IQGAP2: variants seen among roughly 807,000 people sequenced by gnomAD.
IQGAP2 encodes ras GTPase-activating-like protein IQGAP2.
A neutral mutation model predicts 201.3 loss-of-function variants in IQGAP2; 173 were observed. The observed-to-expected ratio is 0.86, with a 90% CI of 0.76 to 0.98. The LOEUF is 0.98. Among genes scored for constraint, IQGAP2 ranks in the 50% least tolerant of loss-of-function variants. The pLI is 0.00. For synonymous variants in IQGAP2, 675 were observed against 673.9 expected (o/e 1.00, Z -0.03); for missense variants, 1,687 against 1,864.8 (o/e 0.90, Z 1.76).
chr5:76,649,420 C>G (rs1348371235), intron 17 of IQGAP2, among the ~76,000 whole-genome samples: 1 of 152,120 alleles, frequency 6.6e-6, no homozygotes, highest in Non-Finnish European at 1.5e-5. Context: ...CAAAGAATGA[C>G]TACAGATAGC....
intron 1 of IQGAP2, among the ~76,000 whole-genome samples, 180 bp from the exon 2 acceptor site, chr5:76,461,388 TAA>T (rs1754447399): frequency 6.7e-6 from 1 of 149,106 alleles, no homozygotes; most frequent in Admixed American, 6.7e-5. Flanking sequence ...AAAATAAAAA[TAA>T]AGGAAAAGAA....
intron 5 of IQGAP2, among the ~76,000 whole-genome samples, chr5:76,578,431 G>C (rs1745613893): frequency 6.6e-6 from 1 of 152,042 alleles, no homozygotes; most frequent in South Asian, 2.1e-4. Flanking sequence ...TCCTGCCTCA[G>C]CCTCCTGAGT....
At chr5:76,590,074 G>A (rs545241580) in intron 7 of IQGAP2, among the ~76,000 whole-genome samples, 1 of 152,210 alleles carries the variant, frequency 6.6e-6, no homozygotes, top group Non-Finnish European at 1.5e-5. Flanking sequence ...GAACCAACAT[G>A]TTACTTTAAA....
chr5:76,506,509 A>C (rs571120418), intron 2 of IQGAP2, among the ~76,000 whole-genome samples: 3 of 152,370 alleles, frequency 2.0e-5, no homozygotes, highest in African/African-American at 7.2e-5. Flanking sequence ...ATAACAGTTA[A>C]GACAACTGGA....
At chr5:76,617,456 T>G (rs1749090616) in intron 13 of IQGAP2, 1 of 687,774 alleles carries the variant, frequency 1.5e-6, no homozygotes, top group South Asian at 2.0e-5. Flanking sequence ...AATGCTTTTG[T>G]AATGTTTGAC....
At chr5:76,483,919 A>G (rs182353955) in intron 2 of IQGAP2, among the ~76,000 whole-genome samples, 102 of 152,316 alleles carry the variant, frequency 6.7e-4, no homozygotes, top group Middle Eastern at 3.4e-3. Context: ...GGTCAAGGGA[A>G]TAATAGCTTT....
intron 3 of IQGAP2, among the ~76,000 whole-genome samples, chr5:76,566,931 T>C (rs1308966361): frequency 1.3e-5 from 2 of 151,386 alleles, no homozygotes. Flanking sequence ...TAGAGAGTGG[T>C]CCCAAGCAGA....
chr5:76,567,536 C>T (rs1039756752), intron 3 of IQGAP2, among the ~76,000 whole-genome samples: 24 of 152,146 alleles, frequency 1.6e-4, no homozygotes, highest in African/African-American at 5.8e-4. Flanking sequence ...CAGACATGAG[C>T]ATCTAGTGAA....
intron 2 of IQGAP2, among the ~76,000 whole-genome samples, chr5:76,528,209 C>G (rs1240808526): frequency 1.3e-5 from 2 of 152,158 alleles, no homozygotes; most frequent in African/African-American, 4.8e-5. Context: ...CATTCTTGGC[C>G]CACACTGCCT....
intron 2 of IQGAP2, among the ~76,000 whole-genome samples, chr5:76,513,642 C>T (rs548970953): frequency 6.6e-6 from 1 of 152,200 alleles, no homozygotes; most frequent in Non-Finnish European, 1.5e-5. Context: ...ATTCCAAGTA[C>T]ATGACACCGT....
At chr5:76,680,917 C>T (rs950189647) in intron 28 of IQGAP2, among the ~76,000 whole-genome samples, 1 of 150,874 alleles carries the variant, frequency 6.6e-6, no homozygotes, top group Non-Finnish European at 1.5e-5. Context: ...CCAGCCTGGC[C>T]AACATGGAGA....
chr5:76,669,203 C>G (rs1335959382), intron 23 of IQGAP2, among the ~76,000 whole-genome samples: 1 of 152,154 alleles, frequency 6.6e-6, no homozygotes, highest in Non-Finnish European at 1.5e-5. Context: ...ATAGTCTTCC[C>G]TTCTTTCTAG....
At chr5:76,697,460 A>G (rs1746861329) in intron 32 of IQGAP2, among the ~76,000 whole-genome samples, 1 of 152,234 alleles carries the variant, frequency 6.6e-6, no homozygotes, top group African/African-American at 2.4e-5. Flanking sequence ...CCTGACCAAC[A>G]TGGTGAAACC....
At chr5:76,487,523 G>C (rs1756238085) in intron 2 of IQGAP2, among the ~76,000 whole-genome samples, 2 of 152,162 alleles carry the variant, frequency 1.3e-5, no homozygotes, top group African/African-American at 4.8e-5. Context: ...TTTGTACATT[G>C]GTATGCAAAT....
chr5:76,501,616 C>T (rs576177955), intron 2 of IQGAP2, among the ~76,000 whole-genome samples: 1 of 147,808 alleles, frequency 6.8e-6, no homozygotes, highest in African/African-American at 2.5e-5. Context: ...CTAAGCAGCC[C>T]TCCTGCTGCA....
chr5:76,562,374 A>AT lies in IQGAP2; in HGVS notation c.147-12dup, dbSNP rs531728887. The AT allele has an allele frequency of 1.3e-3, 1,833 of 1,393,002 alleles. 1 individual carries two copies. The highest frequency in any genetic ancestry group is 2.3e-3 in the South Asian group (170 of 73,972). 86.3% of individuals were successfully genotyped at this position (1,393,002 alleles called of 1,614,324 possible). Reference sequence around the variant, plus strand: ...GTTACCCAACTGGAATCACTTTAATATTTTTTTTTTAATCTCTTTAGGTGG... The same window carrying AT: ...GTTACCCAACTGGAATCACTTTAATATTTTTTTTTTTAATCTCTTTAGGTGG... On this transcript the variant is annotated intron_variant, in intron 2 of 35. Coordinates refer to ENST00000274364, the MANE Select transcript of IQGAP2 (RefSeq NM_006633.5).
intron 28 of IQGAP2, among the ~76,000 whole-genome samples, chr5:76,679,328 A>G (rs1745087565): frequency 6.6e-6 from 1 of 152,230 alleles, no homozygotes; most frequent in Non-Finnish European, 1.5e-5. Context: ...ACAGAATTCA[A>G]TCCTGGGAAA....
intron 1 of IQGAP2, among the ~76,000 whole-genome samples, chr5:76,418,715 T>G (rs1222855662): frequency 3.3e-5 from 5 of 152,216 alleles, no homozygotes; most frequent in African/African-American, 1.2e-4. Context: ...CATCTGTATT[T>G]TTAACACTGG....
chr5:76,628,102 G>C (rs1488338736), intron 14 of IQGAP2, among the ~76,000 whole-genome samples: 1 of 152,196 alleles, frequency 6.6e-6, no homozygotes, highest in Non-Finnish European at 1.5e-5. Context: ...CAGGCCCCTT[G>C]AGGAAAAACT....
Sources: gnomAD v4.1 joint callset for allele counts (sites outside exome capture counted in the v4.1 genomes callset) on GRCh38, gnomAD v4.1.1 for gene constraint, MANE v1.5 for transcripts, NCBI Gene and HGNC (gene_info 2026-07-23, HGNC 2026-07-21) for gene names.